The following WNK2 variants were observed in gnomAD, a reference collection of about 807,000 sequenced individuals.
WNK2 encodes WNK lysine deficient protein kinase 2, also known as serine/threonine-protein kinase WNK2.
WNK2 carries 67 observed loss-of-function variants against 192.1 expected under a neutral mutation model. The observed-to-expected ratio is 0.35, with a 90% CI of 0.29 to 0.43. WNK2 has a LOEUF of 0.43. Ranked by LOEUF, WNK2 falls within the 20% of genes least tolerant of loss-of-function variation. WNK2 has a pLI of 1.00. For missense variants in WNK2, 2,698 were observed against 3,089.7 expected (o/e 0.87, Z 3.01); for synonymous variants, 1,439 against 1,393.9 (o/e 1.03, Z -0.72).
chr9:93,246,293 G>A (rs1381977401), intron 7 of WNK2, among the ~76,000 whole-genome samples: 1 of 152,164 alleles, frequency 6.6e-6, no homozygotes. Context: ...CTCCTGCCCA[G>A]CCTTGAGCTG....
At chr9:93,217,797 C>T (rs781300987) in intron 2 of WNK2, among the ~76,000 whole-genome samples, 11 of 152,194 alleles carry the variant, frequency 7.2e-5, no homozygotes, top group Admixed American at 3.9e-4. Context: ...AGGCCAACAC[C>T]GGCCTTGAAT....
At chr9:93,219,670 T>C (rs1564015538) in intron 2 of WNK2, among the ~76,000 whole-genome samples, 1 of 152,232 alleles carries the variant, frequency 6.6e-6, no homozygotes, top group Non-Finnish European at 1.5e-5. Context: ...GTGGGGTCGC[T>C]CAGGTGGAAG....
intron 2 of WNK2, among the ~76,000 whole-genome samples, chr9:93,201,050 G>GT (rs1218598283): frequency 1.3e-5 from 2 of 152,208 alleles, no homozygotes; most frequent in Admixed American, 6.5e-5. Context: ...GGGACAGTTA[G>GT]TATGTGTGCA....
intron 16 of WNK2, among the ~76,000 whole-genome samples, chr9:93,265,237 T>C (rs1427909496): frequency 6.6e-6 from 1 of 152,102 alleles, no homozygotes; most frequent in Non-Finnish European, 1.5e-5. Context: ...CCACAGGGGA[T>C]TGGTAGCAGA....
intron 28 of WNK2, among the ~76,000 whole-genome samples, chr9:93,311,299 A>G (rs1168223113): frequency 1.3e-5 from 2 of 152,180 alleles, no homozygotes; most frequent in Non-Finnish European, 2.9e-5. Context: ...TACCACATCC[A>G]TTCTCAGGGG....
chr9:93,188,747 C>T (rs1177886652), intron 2 of WNK2, among the ~76,000 whole-genome samples: 1 of 152,198 alleles, frequency 6.6e-6, no homozygotes, highest in African/African-American at 2.4e-5. Context: ...GCGTCTGCCA[C>T]CTGCCATAGC....
Position 93,298,919 on chromosome 9 carries a change from T to C in WNK2, c.5924-151T>C. 3 of 765,332 alleles carry C rather than the reference T, an allele frequency of 3.9e-6. No homozygotes were observed. The South Asian group carries it at 5.6e-5, about 14-fold the overall frequency. The allele number at this position is 765,332 out of a possible 1,614,324, so 47.4% of individuals were successfully genotyped here. ...TCTTTGCTCTTCCCCATCACTCCTC[T>C]GTGGGAGATGTGGCCATGTGCCTGT... is the stretch of plus-strand genomic sequence containing the variant. On this transcript the variant is annotated intron_variant, in intron 24 of 29. Transcript: ENST00000427277.
chr9:93,237,087 A>G (rs926466773), intron 5 of WNK2, among the ~76,000 whole-genome samples: 3 of 152,190 alleles, frequency 2.0e-5, no homozygotes, highest in Non-Finnish European at 2.9e-5. Flanking sequence ...TCTGAATGGT[A>G]GGAGACCAGG....
chr9:93,233,850 C>T (rs970269566), intron 4 of WNK2, among the ~76,000 whole-genome samples: 4 of 152,088 alleles, frequency 2.6e-5, no homozygotes, highest in Non-Finnish European at 5.9e-5. Context: ...AACATCCAGA[C>T]GTTAAAAGCA....
intron 21 of WNK2, among the ~76,000 whole-genome samples, chr9:93,290,992 G>A (rs534707528): frequency 4.6e-5 from 7 of 152,324 alleles, no homozygotes; most frequent in Non-Finnish European, 7.4e-5. Context: ...AAACCTCAGC[G>A]CACATCAGCC....
rs1447798067 is a variant in WNK2, at chr9:93,261,830, C to T, written c.3083C>T (p.Pro1028Leu). ...TPGSQILLGHPAPYAVDVAAQ... is the reference protein window; with the variant it reads ...TPGSQILLGHLAPYAVDVAAQ... ...TGCCCCCAGATTCTGCTTGGCCACCCAGCTCCCTATGCTGTGGACGTCGCC... is the reference window on the plus strand; with the variant it reads ...TGCCCCCAGATTCTGCTTGGCCACCTAGCTCCCTATGCTGTGGACGTCGCC... The change falls in exon 13 of 30, where the codon CCA becomes CTA. Residue 1028 changes from proline to leucine, a missense_variant. Pro to Leu is a moderately conservative substitution (Grantham distance 98). Around this residue, in one of 7 missense-constraint regions of WNK2, gnomAD observed 893 missense variants for 909.0 expected, o/e 0.98. Transcript: ENST00000427277. The T allele has an allele frequency of 1.9e-6, 3 of 1,591,698 alleles. No homozygotes were observed. Among genetic ancestry groups the T allele is most frequent in the African/African-American group, 1.3e-5 (1 of 74,874 alleles).
intron 14 of WNK2, chr9:93,263,324 G>T (rs1386954643): frequency 6.9e-6 from 4 of 576,686 alleles, no homozygotes; most frequent in Non-Finnish European, 1.2e-5. Context: ...AGAGGATCAA[G>T]GTAACGCAGC....
Position 93,229,755 on chromosome 9 carries a change from A to C in WNK2, c.741A>C (p.Lys247Asn), listed in dbSNP as rs555054349. Residue 247 changes from lysine to asparagine, a missense_variant, in exon 3 of 30, where the codon AAA becomes AAC. This residue lies in a region of WNK2 where 230 missense variants were observed against 501.1 expected (regional missense o/e 0.46). Transcript: ENST00000427277. This position sits in a 1 kb window ranked among gnomAD's most constrained non-coding sequence, Gnocchi z 4.9. Reference sequence around the variant, plus strand: ...TCAAGGAAGAGGCTGAGATGCTGAAAGGCCTGCAGCACCCCAACATCGTGC... The same window carrying C: ...TCAAGGAAGAGGCTGAGATGCTGAACGGCCTGCAGCACCCCAACATCGTGC... ...QRFKEEAEML[K>N]GLQHPNIVRF... The C allele has an allele frequency of 6.2e-7, 1 of 1,613,772 alleles. No individual in the cohort carries two copies. Among genetic ancestry groups the C allele is most frequent in the African/African-American group, 1.3e-5 (1 of 75,066 alleles).
chr9:93,259,664 CA>C lies in WNK2; in HGVS notation c.3066+51del, dbSNP rs770071896. The C allele has an allele frequency of 6.9e-7, 1 of 1,458,296 alleles. No homozygotes were observed. The highest frequency in any genetic ancestry group is 1.4e-5 in the South Asian group (1 of 71,788). 90.3% of individuals were successfully genotyped at this position (1,458,296 alleles called of 1,614,324 possible). A position where few individuals can be genotyped will look rare whatever the true frequency, so the allele number is the denominator to read the frequency against. On this transcript the variant is annotated intron_variant, in intron 12 of 29. Coordinates refer to ENST00000427277, the MANE Select transcript of WNK2 (RefSeq NM_006648.4). This position sits in a 1 kb window ranked among gnomAD's most constrained non-coding sequence, Gnocchi z 4.8. ...CACCCTCCCAGCGTCTGGGGACCCT[CA>C]GGACCCAGAGATGCAAAGGAGGACA...
chr9:93,295,246 ACCTGGATAAGCTCCAG>A (rs1850052358), intron 23 of WNK2, among the ~76,000 whole-genome samples: 1 of 151,934 alleles, frequency 6.6e-6, no homozygotes, highest in South Asian at 2.1e-4. Flanking sequence ...CAGAGTTCCA[ACCTGGATAAGCTCCAG>A]CCTGGATAAG....
At chr9:93,194,101 A>G (rs56687914) in intron 2 of WNK2, among the ~76,000 whole-genome samples, 2,087 of 152,360 alleles carry the variant, frequency 0.014, 51 homozygotes, top group African/African-American at 0.048. Context: ...CTCACAAAAA[A>G]TAAAATTGGC....
At chr9:93,267,974 G>T in intron 17 of WNK2, 46 bp from the exon 18 acceptor site, 1 of 1,606,566 alleles carries the variant, frequency 6.2e-7, no homozygotes, top group Middle Eastern at 1.7e-4. Flanking sequence ...GGGCAGGTGG[G>T]CGCTGCAGCT....
intron 2 of WNK2, among the ~76,000 whole-genome samples, chr9:93,200,923 GA>G (rs978602192): frequency 1.3e-5 from 2 of 152,094 alleles, no homozygotes; most frequent in Non-Finnish European, 2.9e-5. Flanking sequence ...AGAAGAAGAT[GA>G]AAAAATATAT....
At chr9:93,317,429 T>A in intron 28 of WNK2, 91 bp from the exon 29 acceptor site, 1 of 1,269,928 alleles carries the variant, frequency 7.9e-7, no homozygotes, top group Non-Finnish European at 1.1e-6. Context: ...CTCCTGAGGA[T>A]GGAGAAACTG....
Sources: gnomAD v4.1 joint callset for allele counts (sites outside exome capture counted in the v4.1 genomes callset) on GRCh38, gnomAD v4.1.1 for gene constraint, gnomAD v4.1.1 regional missense constraint, Gnocchi (gnomAD v3.1) non-coding constraint, MANE v1.5 for transcripts, NCBI Gene and HGNC (gene_info 2026-07-23, HGNC 2026-07-21) for gene names.